KDM4B: variants seen among roughly 807,000 people sequenced by gnomAD.
KDM4B encodes the protein lysine demethylase 4B.
In KDM4B, 32 loss-of-function variants were observed where a neutral mutation model predicts 125.2. The ratio of observed to expected loss-of-function variants is 0.26; its 90% CI spans 0.19 to 0.34. The LOEUF (loss-of-function observed/expected upper bound fraction) is 0.34, where lower values mean the gene tolerates loss of function less well. Among genes scored for constraint, KDM4B ranks in the 10% least tolerant of loss-of-function variants. The pLI is 1.00. For synonymous variants in KDM4B, 721 were observed against 677.9 expected, an observed-to-expected ratio of 1.06 and a Z score of -0.99; for missense variants, 1,190 against 1,577.7, an observed-to-expected ratio of 0.75 and a Z score of 4.16.
At chr19:5,041,091 C>A (rs1229754202) in intron 4 of KDM4B, 46 bp from the exon 5 acceptor site, 4 of 1,345,802 alleles carry the variant, frequency 3.0e-6, no homozygotes, top group Non-Finnish European at 3.2e-6. Flanking sequence ...GGCTGCGTAG[C>A]ACCCAGGCCT....
At chr19:4,979,892 C>T (rs893611053) in intron 1 of KDM4B, among the ~76,000 whole-genome samples, 1 of 152,156 alleles carries the variant, frequency 6.6e-6, no homozygotes, top group Admixed American at 6.5e-5. Flanking sequence ...CACTTGAGGT[C>T]AGGAGTTTGA....
intron 12 of KDM4B, 116 bp downstream of exon 12, chr19:5,131,661 A>AGGTGGGGTGGGGCAGGTGAGGAGGGGG (rs1568316990): frequency 1.0e-5 from 2 of 192,686 alleles, no homozygotes; most frequent in Non-Finnish European, 1.7e-5. Context: ...GGAGGAGGGG[A>AGGTGGGGTGGGGCAGGTGAGGAGGGGG]CAGGAGGGCT....
intron 11 of KDM4B, 72 bp from the exon 12 acceptor site, chr19:5,131,004 A>T: frequency 1.7e-6 from 2 of 1,159,640 alleles, no homozygotes; most frequent in Non-Finnish European, 2.4e-6. Flanking sequence ...AAGTTGGGGG[A>T]TTTCTGGGGA....
At chr19:5,109,943 G>A (rs1009413399) in intron 9 of KDM4B, among the ~76,000 whole-genome samples, 2 of 152,224 alleles carry the variant, frequency 1.3e-5, no homozygotes, top group East Asian at 1.9e-4. Context: ...GGGCACCCGC[G>A]TCTGACGGGA....
intron 11 of KDM4B, among the ~76,000 whole-genome samples, chr19:5,128,510 C>G (rs1304858032): frequency 6.6e-6 from 1 of 152,238 alleles, no homozygotes; most frequent in African/African-American, 2.4e-5. Context: ...TGGGCAGGCG[C>G]TATCATGGAC....
intron 9 of KDM4B, among the ~76,000 whole-genome samples, chr19:5,103,249 T>C (rs2038971884): frequency 6.6e-6 from 1 of 152,234 alleles, no homozygotes; most frequent in Non-Finnish European, 1.5e-5. Flanking sequence ...CCAATTTCGC[T>C]TGGCACGACG....
chr19:5,001,527 G>T lies in KDM4B; in HGVS notation c.-108-14730G>T, dbSNP rs114504907. On this transcript the variant is annotated intron_variant, in intron 1 of 22. Transcript: ENST00000159111. ...TTTGTTTCCAGGCTCTTACGGTGGC[G>T]AACTGTGCTGCCGTGAGTAACCTGG... Among the ~76,000 whole-genome samples the T allele has an allele frequency of 9.2e-3, 1,398 of 152,288 alleles. 30 individuals are homozygous for T. The highest frequency in any genetic ancestry group is 0.032 in the African/African-American group (1,321 of 41,536).
chr19:5,127,442 C>T (rs1467168356), intron 11 of KDM4B, among the ~76,000 whole-genome samples: 2 of 152,282 alleles, frequency 1.3e-5, no homozygotes, highest in Admixed American at 6.5e-5. Context: ...GCCTGGGAGC[C>T]GACAGGGAGA....
chr19:5,088,881 C>A (rs1250286356), intron 9 of KDM4B, among the ~76,000 whole-genome samples: 1 of 152,190 alleles, frequency 6.6e-6, no homozygotes, highest in African/African-American at 2.4e-5. Context: ...CTGCCATCCG[C>A]TCAGCCATGA....
chr19:5,094,576 C>T (rs1019523197), intron 9 of KDM4B, among the ~76,000 whole-genome samples: 6 of 144,660 alleles, frequency 4.1e-5, no homozygotes, highest in African/African-American at 1.3e-4. Context: ...AAGGGGACAG[C>T]GTGTGCCTGT....
At chr19:5,136,479 G>A (rs1481961968) in intron 15 of KDM4B, among the ~76,000 whole-genome samples, 2 of 152,166 alleles carry the variant, frequency 1.3e-5, no homozygotes, top group South Asian at 2.1e-4. Flanking sequence ...CTGGGGGCTC[G>A]CGTTGTCTCC....
chr19:5,042,680 GA>G lies in KDM4B; in HGVS notation c.432+1430del, dbSNP rs775381569. ...TCCATCTTACACAGCAGGAGAGAGT[GA>G]GGGGGGGGGCGCCGTAGGCTTTTCA... On this transcript the variant is annotated intron_variant, in intron 5 of 22. Coordinates refer to ENST00000159111, the MANE Select transcript of KDM4B (RefSeq NM_015015.3). Among the ~76,000 whole-genome samples the G allele has an allele frequency of 2.9e-3, 443 of 150,872 alleles. 2 individuals carry two copies. Among genetic ancestry groups the G allele is most frequent in the Middle Eastern group, 0.01 (3 of 294 alleles).
rs2039797947 is a variant in KDM4B, at chr19:5,144,250, C to T, written c.2739C>T (p.Val913=). 1 of 1,597,450 alleles carries T rather than the reference C, an allele frequency of 6.3e-7. No homozygotes were observed. The highest frequency in any genetic ancestry group is 1.3e-5 in the African/African-American group (1 of 74,624). ...CCACACCCTCCGCACCCTCCCAGGT[C>T]CAACTCCTGAGGGCCGTGTCCCTAG... ...CLKHKSGGHA[V]QLLRAVSLGQ... The change falls in exon 20 of 23, where the codon GTC becomes GTT. Residue 913 remains valine, a splice_region_variant and synonymous_variant. Transcript: ENST00000159111.
intron 9 of KDM4B, among the ~76,000 whole-genome samples, chr19:5,083,395 C>G (rs897260230): frequency 2.0e-5 from 3 of 152,214 alleles, no homozygotes; most frequent in South Asian, 2.1e-4. Flanking sequence ...GCTTATGAAT[C>G]CTAAGCCTCA....
intron 6 of KDM4B, chr19:5,070,612 G>T (rs757201505): frequency 1.2e-5 from 2 of 162,394 alleles, no homozygotes; most frequent in Non-Finnish European, 2.7e-5. Flanking sequence ...CAGCTCCGGG[G>T]GCCCCAGATG....
At chr19:5,126,288 G>A (rs1258723444) in intron 11 of KDM4B, among the ~76,000 whole-genome samples, 2 of 152,158 alleles carry the variant, frequency 1.3e-5, no homozygotes, top group East Asian at 3.9e-4. Flanking sequence ...CAAGGTCTGG[G>A]AAGAGCGGCC....
chr19:5,009,775 A>C, intron 1 of KDM4B, among the ~76,000 whole-genome samples: 1 of 151,956 alleles, frequency 6.6e-6, no homozygotes, highest in East Asian at 1.9e-4. Context: ...TCTGTCTCCC[A>C]GGCTGGAGTG....
chr19:5,114,989 T>G lies in KDM4B; in HGVS notation c.1115+4171T>G, dbSNP rs2039227270. On this transcript the variant is annotated intron_variant, in intron 10 of 22. Transcript: ENST00000159111. This position sits in a 1 kb window ranked among gnomAD's most constrained non-coding sequence, Gnocchi z 5.8. ...GCTAAGTGCTTATTTATCTCCACTC[T>G]CTCCTGAAACGCCACTGAAACACCA... 6.6e-6 allele frequency among the ~76,000 whole-genome samples: 1 copy of G among 152,140 alleles called. No homozygotes were observed. The highest frequency in any genetic ancestry group is 2.4e-5 in the African/African-American group (1 of 41,426).
intron 5 of KDM4B, chr19:5,047,222 T>C: frequency 2.2e-6 from 1 of 459,868 alleles, no homozygotes; most frequent in East Asian, 3.6e-5. Context: ...GAGGATTACC[T>C]GAGCCTGGGA....
Sources: allele counts gnomAD v4.1 joint callset (sites outside exome capture counted in the v4.1 genomes callset), GRCh38; gene constraint gnomAD v4.1.1; non-coding constraint Gnocchi (gnomAD v3.1); transcripts MANE v1.5; gene names NCBI Gene and HGNC (gene_info 2026-07-23, HGNC 2026-07-21).